MYO1E: variants seen among roughly 807,000 people sequenced by gnomAD.
MYO1E encodes the protein myosin IE.
A neutral mutation model predicts 151.1 loss-of-function variants in MYO1E; 68 were observed. That is an observed-to-expected ratio of 0.45 (90% CI 0.37 to 0.55). MYO1E has a LOEUF of 0.55. MYO1E is among the 20% of genes least tolerant of loss of function. The pLI, the probability that MYO1E is intolerant of heterozygous loss-of-function variation, is 0.00. For missense variants in MYO1E, 1,363 were observed against 1,389.3 expected (o/e 0.98, Z 0.30); for synonymous variants, 601 against 501.7 (o/e 1.20, Z -2.64).
intron 1 of MYO1E, among the ~76,000 whole-genome samples, chr15:59,371,948 G>A (rs2080948023): frequency 6.7e-6 from 1 of 149,942 alleles, no homozygotes; most frequent in Non-Finnish European, 1.5e-5. Flanking sequence ...CCTCGCCAAG[G>A]CGGGCCAGGG....
At chr15:59,273,422 C>T (rs1227387243) in intron 1 of MYO1E, among the ~76,000 whole-genome samples, 2 of 152,144 alleles carry the variant, frequency 1.3e-5, no homozygotes, top group Admixed American at 6.5e-5. Context: ...AGCACTTGGG[C>T]AGTTCAAAGT....
At chr15:59,253,010 T>C (rs1475429721) in intron 4 of MYO1E, among the ~76,000 whole-genome samples, 5 of 152,264 alleles carry the variant, frequency 3.3e-5, no homozygotes, top group South Asian at 2.1e-4. Flanking sequence ...CAGAGCCTAC[T>C]GCGGTCATGT....
intron 1 of MYO1E, among the ~76,000 whole-genome samples, chr15:59,325,359 A>G (rs1191866459): frequency 6.6e-6 from 1 of 152,138 alleles, no homozygotes; most frequent in African/African-American, 2.4e-5. Flanking sequence ...GTTAGGGGAT[A>G]AAAGATCTCC....
intron 1 of MYO1E, among the ~76,000 whole-genome samples, chr15:59,326,658 A>C (rs1234863455): frequency 6.6e-6 from 1 of 152,116 alleles, no homozygotes; most frequent in Non-Finnish European, 1.5e-5. Flanking sequence ...TCTCCTAACC[A>C]AGAGATTTAC....
intron 1 of MYO1E, among the ~76,000 whole-genome samples, chr15:59,293,075 G>T (rs1275355987): frequency 1.3e-5 from 2 of 152,174 alleles, no homozygotes; most frequent in Non-Finnish European, 2.9e-5. Context: ...CACAGGTAAG[G>T]AATAAGTCTG....
Position 59,302,020 on chromosome 15 carries a change from G to A in MYO1E, c.4-29571C>T, listed in dbSNP as rs115534875. On this transcript the variant is annotated intron_variant, in intron 1 of 27. Transcript: ENST00000288235. The stretch of plus-strand genomic sequence containing the variant: ...AAACTAATGCAAACAGAACACCTAC[G>A]TAAAGGTAGGTTCGTCCCCTGCCTG... Among the ~76,000 whole-genome samples, 478 of 152,210 alleles carry A rather than the reference G, an allele frequency of 3.1e-3. 2 individuals carry two copies. Among genetic ancestry groups the A allele is most frequent in the African/African-American group, 0.011 (441 of 41,532 alleles).
intron 1 of MYO1E, among the ~76,000 whole-genome samples, chr15:59,366,589 C>A (rs116432765): frequency 9.9e-4 from 151 of 152,248 alleles, no homozygotes; most frequent in African/African-American, 3.5e-3. Flanking sequence ...GGTGGTAACT[C>A]AGAAGGGCGG....
chr15:59,274,020 C>T (rs1183914121), intron 1 of MYO1E, among the ~76,000 whole-genome samples: 2 of 151,928 alleles, frequency 1.3e-5, no homozygotes, highest in Non-Finnish European at 2.9e-5. Context: ...AGATGGAAGC[C>T]ATTCCAAATT....
intron 10 of MYO1E, among the ~76,000 whole-genome samples, chr15:59,217,519 C>CATTTTT (rs2079926355): frequency 3.8e-5 from 2 of 53,164 alleles, no homozygotes; most frequent in Non-Finnish European, 6.6e-5. Context: ...GTCGTTTTAC[C>CATTTTT]TTTTTTTTTT....
intron 1 of MYO1E, among the ~76,000 whole-genome samples, chr15:59,354,677 G>A (rs371066746): frequency 1.3e-5 from 2 of 152,330 alleles, no homozygotes; most frequent in South Asian, 2.1e-4. Flanking sequence ...CTTTTGAACG[G>A]ATAGTGGTGA....
chr15:59,241,592 G>C (rs987647526), intron 4 of MYO1E, among the ~76,000 whole-genome samples: 1 of 151,972 alleles, frequency 6.6e-6, no homozygotes, highest in Non-Finnish European at 1.5e-5. Context: ...AGTCCCAGCT[G>C]CTCAAGAGAT....
intron 18 of MYO1E, among the ~76,000 whole-genome samples, chr15:59,179,140 G>A (rs547456096): frequency 2.0e-5 from 3 of 152,076 alleles, no homozygotes; most frequent in Admixed American, 6.6e-5. Flanking sequence ...CTTCCTCGGC[G>A]CCTCTGCCCC....
At chr15:59,225,425 A>G (rs529911727) in intron 7 of MYO1E, among the ~76,000 whole-genome samples, 2 of 152,002 alleles carry the variant, frequency 1.3e-5, no homozygotes, top group South Asian at 4.2e-4. Flanking sequence ...AAGAGCTCTG[A>G]CCATTTGATC....
intron 1 of MYO1E, among the ~76,000 whole-genome samples, chr15:59,289,136 G>C (rs1461866540): frequency 6.6e-6 from 1 of 152,176 alleles, no homozygotes; most frequent in Admixed American, 6.5e-5. Flanking sequence ...TCCTGGACTG[G>C]AACCAGGACT....
At chr15:59,205,823 C>T (rs547447007) in intron 14 of MYO1E, among the ~76,000 whole-genome samples, 1 of 152,296 alleles carries the variant, frequency 6.6e-6, no homozygotes, top group Non-Finnish European at 1.5e-5. Context: ...ATAGGGGTGT[C>T]TAAGTGACAT....
At chr15:59,360,982 G>C (rs2080881796) in intron 1 of MYO1E, among the ~76,000 whole-genome samples, 1 of 152,234 alleles carries the variant, frequency 6.6e-6, no homozygotes, top group African/African-American at 2.4e-5. Flanking sequence ...ATAATAGCAA[G>C]CATGACGCAA....
chr15:59,188,042 G>C (rs535752099), intron 18 of MYO1E, 76 bp downstream of exon 18: 2 of 1,097,488 alleles, frequency 1.8e-6, no homozygotes, highest in East Asian at 4.7e-5. Context: ...TACGCTTGAA[G>C]TGGGTGAATT....
At chr15:59,368,859 A>G (rs2080929384) in intron 1 of MYO1E, among the ~76,000 whole-genome samples, 1 of 152,104 alleles carries the variant, frequency 6.6e-6, no homozygotes, top group South Asian at 2.1e-4. Context: ...ATCCCTCTCC[A>G]TCCACTGCTC....
intron 18 of MYO1E, 67 bp from the exon 19 acceptor site, chr15:59,178,604 A>G: frequency 1.3e-6 from 2 of 1,577,812 alleles, no homozygotes; most frequent in Non-Finnish European, 1.7e-6. Flanking sequence ...TACCCGGGCA[A>G]GGCAGCAAGA....
Sources: allele counts gnomAD v4.1 joint callset (sites outside exome capture counted in the v4.1 genomes callset), GRCh38; gene constraint gnomAD v4.1.1; transcripts MANE v1.5; gene names NCBI Gene and HGNC (gene_info 2026-07-23, HGNC 2026-07-21).